Variants in RNF168 observed in about 807,000 individuals in gnomAD.
RNF168 encodes the protein ring finger protein 168, also known as E3 ubiquitin-protein ligase RNF168.
A neutral mutation model predicts 34.9 loss-of-function variants in RNF168; 34 were observed. The observed-to-expected ratio is 0.97, with a 90% CI of 0.74 to 1.30. The LOEUF (loss-of-function observed/expected upper bound fraction) is 1.30. Ranked by LOEUF, RNF168 falls within the 50% of genes most tolerant of loss-of-function variation. The pLI, the probability that RNF168 is intolerant of heterozygous loss-of-function variation, is 0.00. For synonymous variants in RNF168, 264 were observed against 254.7 expected, an observed-to-expected ratio of 1.04 and a Z score of -0.35; for missense variants, 725 against 682.5, an observed-to-expected ratio of 1.06 and a Z score of -0.69.
At chr3:196,476,220 G>A (rs1424738220) in intron 4 of RNF168, among the ~76,000 whole-genome samples, 1 of 152,100 alleles carries the variant, frequency 6.6e-6, no homozygotes, top group African/African-American at 2.4e-5. Flanking sequence ...AACAATGCAA[G>A]ACTCTATAGT....
In RNF168 at chr3:196,503,326, T is replaced by G; in HGVS notation, c.-153A>C. On this transcript the variant is annotated 5_prime_UTR_variant, in exon 1 of 6. Transcript: ENST00000318037. ...TCGGAGAACAGGAGCATCCAACACG[T>G]CTTGAAGCAAAAAGGCGCTCTCAGG... The G allele has an allele frequency of 1.4e-6, 1 of 722,450 alleles. No individual in the cohort carries two copies. The allele number at this position is 722,450 out of a possible 1,614,324, so 44.8% of individuals were successfully genotyped here.
At chr3:196,486,334 A>T (rs1474839705) in intron 3 of RNF168, among the ~76,000 whole-genome samples, 3 of 152,262 alleles carry the variant, frequency 2.0e-5, no homozygotes, top group African/African-American at 7.2e-5. Context: ...AATCCTTTTT[A>T]GGTCAATAAA....
In RNF168 at chr3:196,481,965, T is replaced by G. The variant is rs372113009; in HGVS notation, c.680+1805A>C. 1.6e-3 allele frequency among the ~76,000 whole-genome samples: 215 copies of G among 131,342 alleles called. 2 individuals are homozygous for G. Among genetic ancestry groups the G allele is most frequent in the African/African-American group, 5.4e-3 (195 of 35,992 alleles). 86.2% of individuals were successfully genotyped at this position (131,342 alleles called of 152,430 possible). On this transcript the variant is annotated intron_variant, in intron 4 of 5. Coordinates refer to ENST00000318037, the MANE Select transcript of RNF168 (RefSeq NM_152617.4). ...AGGCATGAGCCACTGTCCCTGGCTTTTTTTTTTTTTTTTTTTTAGAGACAG... is the reference window on the plus strand; with the variant it reads ...AGGCATGAGCCACTGTCCCTGGCTTGTTTTTTTTTTTTTTTTTAGAGACAG...
At chr3:196,492,581 G>A (rs1732621413) in intron 1 of RNF168, among the ~76,000 whole-genome samples, 1 of 152,128 alleles carries the variant, frequency 6.6e-6, no homozygotes, top group African/African-American at 2.4e-5. Flanking sequence ...TTCAAAACCA[G>A]CCTGGCCAAC....
At chr3:196,494,778 T>C (rs1732696058) in intron 1 of RNF168, among the ~76,000 whole-genome samples, 1 of 152,192 alleles carries the variant, frequency 6.6e-6, no homozygotes, top group African/African-American at 2.4e-5. Context: ...ATCCCAGCAC[T>C]TTGCGAGGAT....
At chr3:196,497,007 A>G (rs1332697375) in intron 1 of RNF168, among the ~76,000 whole-genome samples, 1 of 152,116 alleles carries the variant, frequency 6.6e-6, no homozygotes, top group Non-Finnish European at 1.5e-5. Context: ...TTAGCCAGGC[A>G]TGGTGGTACA....
chr3:196,500,315 T>C lies in RNF168; in HGVS notation c.301+2558A>G, dbSNP rs116124450. Among the ~76,000 whole-genome samples the C allele has an allele frequency of 2.7e-3, 404 of 152,324 alleles. 1 individual carries two copies. The highest frequency in any genetic ancestry group is 5.0e-3 in the Non-Finnish European group (342 of 68,038). ...GTAGCATATACATACACTGGAACAT[T>C]ATTCAGCCTGGAAAAGAAGGGAATG... is the stretch of plus-strand genomic sequence containing the variant. On this transcript the variant is annotated intron_variant, in intron 1 of 5. Transcript: ENST00000318037.
intron 1 of RNF168, among the ~76,000 whole-genome samples, chr3:196,489,310 G>C (rs890244124): frequency 1.3e-5 from 2 of 150,822 alleles, no homozygotes; most frequent in African/African-American, 4.9e-5. Context: ...TAGCAGAGGA[G>C]GTTAACTGAT....
intron 4 of RNF168, among the ~76,000 whole-genome samples, chr3:196,478,707 C>T (rs1224032014): frequency 6.6e-6 from 1 of 151,956 alleles, no homozygotes; most frequent in Non-Finnish European, 1.5e-5. Context: ...CACTCTATCG[C>T]CCAGACTGAA....
chr3:196,490,752 A>G (rs1050759285), intron 1 of RNF168, among the ~76,000 whole-genome samples: 1 of 152,176 alleles, frequency 6.6e-6, no homozygotes, highest in Non-Finnish European at 1.5e-5. Context: ...CAACAGAGAG[A>G]CTAAAAAACA....
At chr3:196,489,582 C>T (rs1732541998) in intron 1 of RNF168, among the ~76,000 whole-genome samples, 1 of 152,176 alleles carries the variant, frequency 6.6e-6, no homozygotes, top group Non-Finnish European at 1.5e-5. Context: ...TCACCTCAGC[C>T]TCCCAAAGTG....
chr3:196,472,891 G>A, intron 5 of RNF168, 119 bp from the exon 6 acceptor site: 1 of 625,166 alleles, frequency 1.6e-6, no homozygotes, highest in South Asian at 2.0e-5. Flanking sequence ...TACTAATAAG[G>A]TATATATTTC....
At position 196,503,145 on chromosome 3, in the gene RNF168, G is replaced by A. The variant is rs1399689101; in HGVS notation, c.29C>T (p.Ser10Leu). 1.2e-6 allele frequency: 2 copies of A among 1,614,158 alleles called. No individual in the cohort carries two copies. The highest frequency in any genetic ancestry group is 1.1e-5 in the South Asian group (1 of 91,080). ...GATCCCGCACTGGCACTCGGACAGC[G>A]AGGGGATGGCGTCTTTGGGTAGAGC... MALPKDAIP[S>L]LSECQCGICM... Residue 10 changes from serine to leucine, a missense_variant, in exon 1 of 6, where the codon TCG becomes TTG. Transcript: ENST00000318037.
At chr3:196,480,420 G>C (rs1177622027) in intron 4 of RNF168, among the ~76,000 whole-genome samples, 1 of 152,170 alleles carries the variant, frequency 6.6e-6, no homozygotes, top group Non-Finnish European at 1.5e-5. Flanking sequence ...TTTTAAAACA[G>C]ATTTGCCACA....
chr3:196,492,886 T>A (rs1732630278), intron 1 of RNF168, among the ~76,000 whole-genome samples: 1 of 152,140 alleles, frequency 6.6e-6, no homozygotes, highest in East Asian at 1.9e-4. Context: ...GCTGTATTAC[T>A]ACCAAGTAGT....
chr3:196,469,368 T>C lies in RNF168; in HGVS notation c.*2451A>G, dbSNP rs1042156650. The C allele has an allele frequency of 8.5e-5, 13 of 152,300 alleles. No homozygotes were observed. Among genetic ancestry groups the C allele is most frequent in the East Asian group, 5.8e-4 (3 of 5,186 alleles). The allele number at this position is 152,300 out of a possible 1,614,324, so 9.4% of individuals were successfully genotyped here. ...ATCACCTTAAGAGGCAAATTAAGTTTTAAATTAGCACAGAATTTATAATTA... is the reference window on the plus strand; with the variant it reads ...ATCACCTTAAGAGGCAAATTAAGTTCTAAATTAGCACAGAATTTATAATTA... On this transcript the variant is annotated 3_prime_UTR_variant, in exon 6 of 6. Transcript: ENST00000318037.
intron 1 of RNF168, among the ~76,000 whole-genome samples, chr3:196,497,245 TA>T (rs1732764439): frequency 6.6e-6 from 1 of 152,184 alleles, no homozygotes; most frequent in Non-Finnish European, 1.5e-5. Context: ...AGACCCACAT[TA>T]TTTTTTTTAA....
At chr3:196,477,337 T>C (rs943172274) in intron 4 of RNF168, among the ~76,000 whole-genome samples, 2 of 152,086 alleles carry the variant, frequency 1.3e-5, no homozygotes, top group African/African-American at 2.4e-5. Flanking sequence ...AAAGTGACTA[T>C]AAATAACAGA....
intron 1 of RNF168, among the ~76,000 whole-genome samples, chr3:196,491,052 C>T (rs796066385): frequency 2.0e-5 from 3 of 152,294 alleles, no homozygotes; most frequent in South Asian, 4.1e-4. Flanking sequence ...CGGTGGCTCA[C>T]GCCTGTAATC....
Sources: gnomAD v4.1 joint callset for allele counts (sites outside exome capture counted in the v4.1 genomes callset) on GRCh38, gnomAD v4.1.1 for gene constraint, MANE v1.5 for transcripts, NCBI Gene and HGNC (gene_info 2026-07-23, HGNC 2026-07-21) for gene names.